BACH2: variants seen among roughly 807,000 people sequenced by gnomAD.
The protein encoded by BACH2 is transcription regulator protein BACH2.
A neutral mutation model predicts 61.8 loss-of-function variants in BACH2; 5 were observed. The ratio of observed to expected loss-of-function variants is 0.08; its 90% CI spans 0.04 to 0.17. The LOEUF is 0.17. Ranked by LOEUF, BACH2 falls within the 10% of genes least tolerant of loss-of-function variation. The pLI, the probability that BACH2 is intolerant of heterozygous loss-of-function variation, is 1.00. For synonymous variants in BACH2, 446 were observed against 440.1 expected, an observed-to-expected ratio of 1.01 and a Z score of -0.17; for missense variants, 824 against 1,091.1, an observed-to-expected ratio of 0.76 and a Z score of 3.45.
intron 4 of BACH2, among the ~76,000 whole-genome samples, chr6:90,092,004 G>T (rs1382051821): frequency 6.6e-6 from 1 of 151,914 alleles, no homozygotes. Flanking sequence ...GAGCTACAGG[G>T]AGTGAAAAAT....
At position 89,964,250 on chromosome 6, in the gene BACH2, A is replaced by C. The variant is rs142559832; in HGVS notation, c.244-12388T>G. On this transcript the variant is annotated intron_variant, in intron 6 of 8. Transcript: ENST00000257749. The stretch of plus-strand genomic sequence containing the variant: ...GAAAAGTAGTCACATTCATAGAAAC[A>C]GAAAGTGGAATGGCGTTTATCAGGG... Among the ~76,000 whole-genome samples the C allele has an allele frequency of 5.1e-4, 72 of 139,884 alleles. No homozygotes were observed. In the East Asian group the frequency reaches 0.014, roughly 28 times the overall value. 91.8% of individuals were successfully genotyped at this position (139,884 alleles called of 152,430 possible). A position where few individuals can be genotyped will look rare whatever the true frequency, so the allele number is the denominator to read the frequency against.
At chr6:89,948,868 C>T (rs1232566363) in intron 7 of BACH2, among the ~76,000 whole-genome samples, 2 of 152,130 alleles carry the variant, frequency 1.3e-5, no homozygotes, top group Non-Finnish European at 2.9e-5. Flanking sequence ...ATTCATATTT[C>T]CTTTCTAATT....
chr6:90,233,291 C>G (rs1770157175), intron 3 of BACH2, among the ~76,000 whole-genome samples: 1 of 152,154 alleles, frequency 6.6e-6, no homozygotes. Flanking sequence ...GGACTATCAC[C>G]CAATCCTTTC....
At chr6:90,206,068 T>C (rs967890537) in intron 4 of BACH2, among the ~76,000 whole-genome samples, 1 of 152,166 alleles carries the variant, frequency 6.6e-6, no homozygotes, top group African/African-American at 2.4e-5. Context: ...TAAATATGTA[T>C]CAAGTGCTTG....
In BACH2 at chr6:89,932,583, C is replaced by T; in HGVS notation, c.2351G>A (p.Ser784Asn). 8 of 1,614,068 alleles carry T rather than the reference C, an allele frequency of 5.0e-6. No homozygotes were observed. Among genetic ancestry groups the T allele is most frequent in the Non-Finnish European group, 6.8e-6 (8 of 1,180,004 alleles). ...AGAGGTACAATTCTCGGAGGTGTTG[C>T]TGGGTGCCCAGGGGGGTCCGGGGGG... is the stretch of plus-strand genomic sequence containing the variant. The part of the protein sequence containing the change: ...AAPPGPPWAP[S>N]NTSENCTSGR... The change falls in exon 9 of 9, where the codon AGC becomes AAC. Residue 784 changes from serine to asparagine, a missense_variant. Around this residue, in one of 8 missense-constraint regions of BACH2, gnomAD observed 135 missense variants for 142.7 expected, o/e 0.95. Coordinates refer to ENST00000257749, the MANE Select transcript of BACH2 (RefSeq NM_021813.4).
intron 6 of BACH2, among the ~76,000 whole-genome samples, chr6:89,989,561 G>A (rs911234829): frequency 3.9e-5 from 6 of 152,118 alleles, no homozygotes; most frequent in Non-Finnish European, 2.9e-5. Context: ...TCCTCCGGGC[G>A]TGGAGCATGT....
intron 4 of BACH2, among the ~76,000 whole-genome samples, chr6:90,150,084 T>C (rs1344557425): frequency 6.6e-6 from 1 of 152,210 alleles, no homozygotes; most frequent in African/African-American, 2.4e-5. Flanking sequence ...CCTTTCTTAT[T>C]GTTCTGATCA....
intron 5 of BACH2, among the ~76,000 whole-genome samples, chr6:90,077,260 G>A (rs186236980): frequency 2.6e-4 from 39 of 152,252 alleles, no homozygotes; most frequent in Non-Finnish European, 4.6e-4. Flanking sequence ...AGAAACTTCG[G>A]TCTATGGCAA....
At chr6:90,276,121 G>A (rs1771683462) in intron 1 of BACH2, among the ~76,000 whole-genome samples, 1 of 152,114 alleles carries the variant, frequency 6.6e-6, no homozygotes, top group South Asian at 2.1e-4. Context: ...TAAATGCAAG[G>A]AATGTCTACC....
At chr6:89,938,412 C>T in intron 7 of BACH2, 62 bp from the exon 8 acceptor site, 2 of 1,440,814 alleles carry the variant, frequency 1.4e-6, no homozygotes, top group Non-Finnish European at 1.9e-6. Context: ...GCAGGCGGAA[C>T]ATCAAAAATG....
At chr6:89,964,260 A>G (rs987311041) in intron 6 of BACH2, among the ~76,000 whole-genome samples, 5 of 121,370 alleles carry the variant, frequency 4.1e-5, no homozygotes, top group Admixed American at 9.0e-5. Context: ...AGAAAGTGGA[A>G]TGGCGTTTAT....
chr6:90,081,067 C>A (rs1293839213), intron 5 of BACH2, among the ~76,000 whole-genome samples: 1 of 152,048 alleles, frequency 6.6e-6, no homozygotes, highest in African/African-American at 2.4e-5. Flanking sequence ...GCAGCGAAAG[C>A]AAAACTTTTA....
intron 2 of BACH2, among the ~76,000 whole-genome samples, chr6:90,264,143 T>A (rs1176230550): frequency 6.6e-6 from 1 of 152,210 alleles, no homozygotes; most frequent in Non-Finnish European, 1.5e-5. Flanking sequence ...CCTTATACTT[T>A]CCAAGTTCAA....
chr6:90,112,649 A>T (rs1468903414), intron 4 of BACH2, among the ~76,000 whole-genome samples: 2 of 152,222 alleles, frequency 1.3e-5, no homozygotes, highest in Non-Finnish European at 2.9e-5. Context: ...ATACAAAAAC[A>T]CACTTAAACA....
chr6:90,029,120 C>T (rs1053876004), intron 5 of BACH2, among the ~76,000 whole-genome samples: 26 of 152,146 alleles, frequency 1.7e-4, no homozygotes, highest in Admixed American at 9.2e-4. Flanking sequence ...CAGACTCTCC[C>T]GGCCTGCTTC....
intron 4 of BACH2, among the ~76,000 whole-genome samples, chr6:90,106,405 T>C (rs959313920): frequency 6.6e-6 from 1 of 152,222 alleles, no homozygotes; most frequent in Non-Finnish European, 1.5e-5. Flanking sequence ...CTTTTCTATG[T>C]TTAGATACAC....
chr6:90,296,358 G>A (rs1213141737), intron 1 of BACH2, 122 bp downstream of exon 1: 1 of 150,720 alleles, frequency 6.6e-6, no homozygotes, highest in African/African-American at 2.4e-5. Context: ...CGGCGGCCGG[G>A]GCTCCCTTCC....
chr6:90,290,018 G>A (rs1039986034), intron 1 of BACH2, among the ~76,000 whole-genome samples: 21 of 152,262 alleles, frequency 1.4e-4, no homozygotes, highest in Non-Finnish European at 1.9e-4. Flanking sequence ...GTTTTTATCA[G>A]GTTCTAAAGA....
chr6:89,984,333 G>C (rs2128363788), intron 6 of BACH2, among the ~76,000 whole-genome samples: 1 of 152,090 alleles, frequency 6.6e-6, no homozygotes, highest in South Asian at 2.1e-4. Context: ...AGAAACGAGA[G>C]GATTATTGTA....
Sources: allele counts gnomAD v4.1 joint callset (sites outside exome capture counted in the v4.1 genomes callset), GRCh38; gene constraint gnomAD v4.1.1; regional missense constraint gnomAD v4.1.1; transcripts MANE v1.5; gene names NCBI Gene and HGNC (gene_info 2026-07-23, HGNC 2026-07-21).